The following CPPED1 variants were observed in gnomAD, a reference collection of about 807,000 sequenced individuals.
CPPED1 encodes the protein serine/threonine-protein phosphatase CPPED1.
CPPED1 carries 28 observed loss-of-function variants against 28.0 expected under a neutral mutation model. The ratio of observed to expected loss-of-function variants is 1.00; its 90% confidence interval spans 0.74 to 1.37. The LOEUF is 1.37. CPPED1 is among the 40% of genes most tolerant of loss of function. The probability of loss-of-function intolerance (pLI) is 0.00; values close to 1 mark genes in which losing one functional copy is unlikely to be tolerated. For synonymous variants in CPPED1, 198 were observed against 180.2 expected (o/e 1.10, Z -0.79); for missense variants, 504 against 416.5 (o/e 1.21, Z -1.83).
At chr16:12,691,327 G>C (rs976081198) in intron 3 of CPPED1, among the ~76,000 whole-genome samples, 10 of 152,126 alleles carry the variant, frequency 6.6e-5, no homozygotes, top group African/African-American at 2.2e-4. Flanking sequence ...CTGTCACCCA[G>C]GCTAGTGGCG....
At chr16:12,742,429 AGATAAT>A (rs1359962867) in intron 2 of CPPED1, among the ~76,000 whole-genome samples, 1 of 152,238 alleles carries the variant, frequency 6.6e-6, no homozygotes. Context: ...GATGATAAAA[AGATAAT>A]GATTGCCAAC....
intron 3 of CPPED1, among the ~76,000 whole-genome samples, chr16:12,699,318 T>C (rs1040747855): frequency 6.6e-6 from 1 of 152,176 alleles, no homozygotes; most frequent in Non-Finnish European, 1.5e-5. Flanking sequence ...CTATTGACAA[T>C]GTTTTTGTAT....
At chr16:12,795,747 G>A (rs369255951) in intron 1 of CPPED1, among the ~76,000 whole-genome samples, 1 of 152,236 alleles carries the variant, frequency 6.6e-6, no homozygotes, top group African/African-American at 2.4e-5. Flanking sequence ...AGGTGACCCA[G>A]GTGGAGTGTA....
chr16:12,732,339 A>T (rs1227618145), intron 2 of CPPED1, among the ~76,000 whole-genome samples: 1 of 139,082 alleles, frequency 7.2e-6, no homozygotes, highest in Non-Finnish European at 1.5e-5. Flanking sequence ...AAGTAGAGTG[A>T]GCAAGGAAGT....
rs2080566349 is a variant in CPPED1, at chr16:12,786,839, G to A, written c.71-5436C>T. ...GAGGCCGGAGAATCTCTTGAACTGG[G>A]AGGTGGAGGTTGCAGTGAGCCGAGA... On this transcript the variant is annotated intron_variant, in intron 1 of 3. Coordinates refer to ENST00000381774, the MANE Select transcript of CPPED1 (RefSeq NM_018340.3). 2.6e-5 allele frequency among the ~76,000 whole-genome samples: 4 copies of A among 152,188 alleles called. No homozygotes were observed. In the South Asian group the frequency reaches 6.2e-4, roughly 24 times the overall value.
chr16:12,711,486 G>T (rs1374885609), intron 2 of CPPED1, among the ~76,000 whole-genome samples: 1 of 152,198 alleles, frequency 6.6e-6, no homozygotes, highest in East Asian at 1.9e-4. Flanking sequence ...GGTGGTACAT[G>T]TAACGTTACG....
chr16:12,753,338 G>C (rs542624793), intron 2 of CPPED1: 1 of 152,210 alleles, frequency 6.6e-6, no homozygotes, highest in Admixed American at 6.5e-5. Flanking sequence ...TGATGTCAAC[G>C]CATCTCATTC....
chr16:12,699,712 G>C (rs1483223828), intron 3 of CPPED1, among the ~76,000 whole-genome samples: 1 of 152,064 alleles, frequency 6.6e-6, no homozygotes, highest in African/African-American at 2.4e-5. Context: ...ATTCTGATGA[G>C]CTTTTGACAT....
At chr16:12,711,568 T>C (rs776738023) in intron 2 of CPPED1, among the ~76,000 whole-genome samples, 4 of 152,162 alleles carry the variant, frequency 2.6e-5, no homozygotes, top group Non-Finnish European at 5.9e-5. Flanking sequence ...TCCCTCCAGG[T>C]TGGGCTGTTG....
At chr16:12,737,272 T>C (rs531565310) in intron 2 of CPPED1, among the ~76,000 whole-genome samples, 352 of 152,136 alleles carry the variant, frequency 2.3e-3, no homozygotes, top group African/African-American at 7.5e-3. Flanking sequence ...CTTGAAGGTG[T>C]AGGGCAACAA....
At chr16:12,781,552 G>A in intron 1 of CPPED1, 149 bp from the exon 2 acceptor site, 2 of 733,922 alleles carry the variant, frequency 2.7e-6, no homozygotes, top group South Asian at 1.9e-5. Flanking sequence ...CCATTTTCCT[G>A]TCATAGTCTA....
Position 12,694,934 on chromosome 16 carries a change from C to T in CPPED1, c.715+9690G>A, listed in dbSNP as rs558700452. Among the ~76,000 whole-genome samples the T allele has an allele frequency of 3.3e-4, 50 of 152,164 alleles. 2 individuals carry two copies. The South Asian group carries it at 0.01, about 32-fold the overall frequency. On this transcript the variant is annotated intron_variant, in intron 3 of 3. Transcript: ENST00000381774. ...CTGTGATTACAGGTGTGCGCCACCA[C>T]ACCCTGCTAATTTTTATATTTTTAG...
In CPPED1 at chr16:12,803,878, C is replaced by A; in HGVS notation, c.-102G>T. ...GACCTGTCCCGCTTTGGGCGACGCC[C>A]TTTGATCTCGGGGCGGGACTGGGGC... On this transcript the variant is annotated 5_prime_UTR_variant, in exon 1 of 4. The change creates a new upstream start codon in the 5' untranslated region. Coordinates refer to ENST00000381774, the MANE Select transcript of CPPED1 (RefSeq NM_018340.3). 4 of 1,057,662 alleles carry A rather than the reference C, an allele frequency of 3.8e-6. No individual in the cohort carries two copies. Among genetic ancestry groups the A allele is most frequent in the East Asian group, 3.8e-5 (1 of 26,312 alleles). 65.5% of individuals were successfully genotyped at this position (1,057,662 alleles called of 1,614,324 possible).
Position 12,691,124 on chromosome 16 carries a change from T to C in CPPED1, c.715+13500A>G, listed in dbSNP as rs374868896. On this transcript the variant is annotated intron_variant, in intron 3 of 3. Transcript: ENST00000381774. ...CTGCCCAGGCCCCAAGCAATTAGTG[T>C]CACCCACCACTTTGCAGCTGGTTGA... Among the ~76,000 whole-genome samples the C allele has an allele frequency of 6.2e-4, 94 of 152,328 alleles. 1 individual carries two copies. Among genetic ancestry groups the C allele is most frequent in the African/African-American group, 2.1e-3 (88 of 41,570 alleles).
At chr16:12,785,252 TTTTAA>T (rs1415894411) in intron 1 of CPPED1, among the ~76,000 whole-genome samples, 1 of 152,140 alleles carries the variant, frequency 6.6e-6, no homozygotes, top group Non-Finnish European at 1.5e-5. Context: ...AATTGTGTTT[TTTTAA>T]TTTATTTTTA....
intron 3 of CPPED1, among the ~76,000 whole-genome samples, chr16:12,672,392 T>G (rs1216608677): frequency 1.3e-5 from 2 of 152,222 alleles, no homozygotes; most frequent in South Asian, 2.1e-4. Context: ...CCGTTAGTAA[T>G]GTTTATTTAT....
chr16:12,696,102 C>G (rs9928546), intron 3 of CPPED1, among the ~76,000 whole-genome samples: 15,057 of 152,166 alleles, frequency 0.099, 821 homozygotes, highest in Middle Eastern at 0.15. Context: ...TCTATCTTCC[C>G]GCATATCCCA....
chr16:12,688,474 G>C (rs1348923667), intron 3 of CPPED1, among the ~76,000 whole-genome samples: 2 of 151,818 alleles, frequency 1.3e-5, no homozygotes, highest in African/African-American at 2.4e-5. Flanking sequence ...GAGTAGCTGA[G>C]ATTACAGGCA....
chr16:12,729,219 C>T (rs562437402), intron 2 of CPPED1, among the ~76,000 whole-genome samples: 1 of 152,212 alleles, frequency 6.6e-6, no homozygotes, highest in South Asian at 2.1e-4. Context: ...GCCTCCTAGC[C>T]CTGGCATACC....
Sources: allele counts gnomAD v4.1 joint callset (sites outside exome capture counted in the v4.1 genomes callset), GRCh38; gene constraint gnomAD v4.1.1; transcripts MANE v1.5; gene names NCBI Gene and HGNC (gene_info 2026-07-23, HGNC 2026-07-21).